PTDSS1: variants seen among roughly 807,000 people sequenced by gnomAD.
The protein encoded by PTDSS1 is PSS-1.
In PTDSS1, 45 loss-of-function variants were observed where a neutral mutation model predicts 70.5. The observed-to-expected ratio is 0.64, with a 90% CI of 0.50 to 0.82. The LOEUF (loss-of-function observed/expected upper bound fraction) is 0.82, where lower values mean the gene tolerates loss of function less well. Ranked by LOEUF, PTDSS1 falls within the 40% of genes least tolerant of loss-of-function variation. PTDSS1 has a pLI of 0.00. For missense variants in PTDSS1, 417 were observed against 586.1 expected (o/e 0.71, Z 2.98); for synonymous variants, 188 against 203.8 (o/e 0.92, Z 0.66).
rs116451395 is a variant in PTDSS1, at chr8:96,320,309, C to G, written c.1137C>G (p.Thr379=). The change falls in exon 10 of 13, where the codon ACC becomes ACG. Residue 379 remains threonine, a synonymous_variant. Transcript: ENST00000517309. ...TTGGACAAGATCTCTTCTCTAAGACCCAAATACTCTATGTTGTGCTTTGGC... is the reference window on the plus strand; with the variant it reads ...TTGGACAAGATCTCTTCTCTAAGACGCAAATACTCTATGTTGTGCTTTGGC... The part of the protein sequence containing the change: ...IKFGQDLFSK[T]QILYVVLWLL... The G allele has an allele frequency of 2.6e-4, 416 of 1,613,122 alleles. 1 individual carries two copies. The African/African-American group carries it at 5.0e-3, about 19-fold the overall frequency.
At chr8:96,301,347 A>G (rs1258944885) in intron 6 of PTDSS1, among the ~76,000 whole-genome samples, 2 of 152,012 alleles carry the variant, frequency 1.3e-5, no homozygotes, top group Non-Finnish European at 2.9e-5. Flanking sequence ...CACCCGCCTC[A>G]GCATCTCAAA....
rs2130158812 is a variant in PTDSS1 at position 96,320,354 on chromosome 8, C to T, written c.1173+9C>T. The T allele has an allele frequency of 1.3e-6, 2 of 1,581,780 alleles. No individual in the cohort carries two copies. The highest frequency in any genetic ancestry group is 1.7e-6 in the Non-Finnish European group (2 of 1,150,804). On this transcript the variant is annotated intron_variant, in intron 10 of 12. Coordinates refer to ENST00000517309, the MANE Select transcript of PTDSS1 (RefSeq NM_014754.3). ...TTTGGCTTCTTTGCGTGGTAAGTCA[C>T]TGCATTTTACCCAAAGGCATTAGCT...
chr8:96,303,473 A>T (rs1167198306), intron 6 of PTDSS1, among the ~76,000 whole-genome samples: 3 of 152,178 alleles, frequency 2.0e-5, no homozygotes, highest in African/African-American at 7.2e-5. Context: ...GTTATTAAAT[A>T]GTATTTATTA....
At chr8:96,292,943 C>T (rs571023404) in intron 4 of PTDSS1, among the ~76,000 whole-genome samples, 2 of 152,310 alleles carry the variant, frequency 1.3e-5, no homozygotes, top group South Asian at 4.1e-4. Context: ...GGATCTCTTT[C>T]TTCTTCCAAA....
At chr8:96,313,822 A>G (rs1811246422) in intron 9 of PTDSS1, among the ~76,000 whole-genome samples, 1 of 152,204 alleles carries the variant, frequency 6.6e-6, no homozygotes, top group South Asian at 2.1e-4. Flanking sequence ...CAAACCAGCC[A>G]GTCCTTTCCT....
rs769749002 is a variant in PTDSS1 at position 96,333,446 on chromosome 8, C to A, written c.1313-11C>A. 16 of 1,603,848 alleles carry A rather than the reference C, an allele frequency of 1.0e-5. 1 individual carries two copies. The South Asian group carries it at 1.5e-4, about 15-fold the overall frequency. On this transcript the variant is annotated splice_polypyrimidine_tract_variant and intron_variant, in intron 12 of 12. Transcript: ENST00000517309. ...CCCAGGGTGACGGTGTGCTCTGATTCCTTTGGCCAGGTTCTGAAGACAGCC... is the reference window on the plus strand; with the variant it reads ...CCCAGGGTGACGGTGTGCTCTGATTACTTTGGCCAGGTTCTGAAGACAGCC...
chr8:96,316,190 A>T (rs1811286284), intron 9 of PTDSS1, among the ~76,000 whole-genome samples: 1 of 152,094 alleles, frequency 6.6e-6, no homozygotes, highest in Non-Finnish European at 1.5e-5. Flanking sequence ...CCGGGTCCCC[A>T]TGTCTGGATG....
chr8:96,301,747 C>A (rs1811053877), intron 6 of PTDSS1, among the ~76,000 whole-genome samples: 1 of 151,732 alleles, frequency 6.6e-6, no homozygotes, highest in Admixed American at 6.6e-5. Context: ...AACTTCTGAC[C>A]TCAGGTGATC....
At chr8:96,331,185 C>T in intron 12 of PTDSS1, 90 bp downstream of exon 12, 1 of 1,252,674 alleles carries the variant, frequency 8.0e-7, no homozygotes, top group Non-Finnish European at 1.2e-6. Flanking sequence ...TGATATAAGC[C>T]TTGAAGGGTC....
intron 6 of PTDSS1, among the ~76,000 whole-genome samples, chr8:96,301,085 C>T (rs1306164101): frequency 6.6e-6 from 1 of 152,190 alleles, no homozygotes; most frequent in Non-Finnish European, 1.5e-5. Context: ...CTAATTAACA[C>T]TTTGCCATAA....
Position 96,262,690 on chromosome 8 carries a change from A to G in PTDSS1, c.179+471A>G, listed in dbSNP as rs557208235. 6.8e-4 allele frequency among the ~76,000 whole-genome samples: 103 copies of G among 152,074 alleles called. No homozygotes were observed. Among genetic ancestry groups the G allele is most frequent in the Non-Finnish European group, 1.4e-3 (94 of 67,956 alleles). ...GCACCATACACAGGCCCAGGACACAACCTAGATCCCTTCCTGTGGAACTCC... is the reference window on the plus strand; with the variant it reads ...GCACCATACACAGGCCCAGGACACAGCCTAGATCCCTTCCTGTGGAACTCC... On this transcript the variant is annotated intron_variant, in intron 1 of 12. Transcript: ENST00000517309. The surrounding 1 kb of genome is among the most constrained non-coding windows in gnomAD (Gnocchi z 4.4).
At chr8:96,322,151 C>T (rs1811380919) in intron 10 of PTDSS1, among the ~76,000 whole-genome samples, 1 of 152,122 alleles carries the variant, frequency 6.6e-6, no homozygotes, top group Non-Finnish European at 1.5e-5. Flanking sequence ...AATCACAGGC[C>T]TCCCAGCTGC....
Position 96,333,324 on chromosome 8 carries a change from G to A in PTDSS1, c.1313-133G>A, listed in dbSNP as rs372724103. ...GTTTGAGAGCCTCGCCTTCATTTAT[G>A]AATGAGGCCACTAGGGGGAGTGCAC... On this transcript the variant is annotated intron_variant, in intron 12 of 12. Coordinates refer to ENST00000517309, the MANE Select transcript of PTDSS1 (RefSeq NM_014754.3). The A allele has an allele frequency of 1.3e-5, 10 of 756,426 alleles. No homozygotes were observed. In the East Asian group the frequency reaches 2.0e-4, roughly 15 times the overall value. The allele number at this position is 756,426 out of a possible 1,614,324, so 46.9% of individuals were successfully genotyped here. A position where few individuals can be genotyped will look rare whatever the true frequency, so the allele number is the denominator to read the frequency against.
chr8:96,314,798 A>G (rs1056695177), intron 9 of PTDSS1, among the ~76,000 whole-genome samples: 1 of 152,022 alleles, frequency 6.6e-6, no homozygotes, highest in Non-Finnish European at 1.5e-5. Flanking sequence ...GGGTTTCACC[A>G]TGTTAGCCAG....
At chr8:96,311,714 A>G (rs923227189) in intron 9 of PTDSS1, among the ~76,000 whole-genome samples, 2 of 152,206 alleles carry the variant, frequency 1.3e-5, no homozygotes, top group Non-Finnish European at 2.9e-5. Context: ...TTTCTTACCC[A>G]AAGTGGTTTG....
rs114028502 is a variant in PTDSS1, at chr8:96,316,294, C to T, written c.1074-3952C>T. Among the ~76,000 whole-genome samples, 419 of 152,234 alleles carry T rather than the reference C, an allele frequency of 2.8e-3. 5 individuals are homozygous for T. Among genetic ancestry groups the T allele is most frequent in the African/African-American group, 9.6e-3 (399 of 41,524 alleles). On this transcript the variant is annotated intron_variant, in intron 9 of 12. Coordinates refer to ENST00000517309, the MANE Select transcript of PTDSS1 (RefSeq NM_014754.3). ...CGAATGTTCATCACCATGCTGTTCA[C>T]AATAGCAAAGACATGGAATCCACCT... is the stretch of plus-strand genomic sequence containing the variant.
At chr8:96,324,740 C>T (rs987984916) in intron 10 of PTDSS1, among the ~76,000 whole-genome samples, 8 of 152,186 alleles carry the variant, frequency 5.3e-5, no homozygotes, top group African/African-American at 1.9e-4. Flanking sequence ...AGTTAAGTTT[C>T]GAGGAGAGTT....
At position 96,333,570 on chromosome 8, in the gene PTDSS1, AC is replaced by A. The variant is rs1811550208; in HGVS notation, c.*7del. The A allele has an allele frequency of 6.3e-7, 1 of 1,597,068 alleles. No individual in the cohort carries two copies. The highest frequency in any genetic ancestry group is 8.6e-7 in the Non-Finnish European group (1 of 1,164,678). On this transcript the variant is annotated 3_prime_UTR_variant, in exon 13 of 13. Coordinates refer to ENST00000517309, the MANE Select transcript of PTDSS1 (RefSeq NM_014754.3). ...CAATGGCGTTGGAAAGAAATGAAAA[AC>A]CCTGGTTAATCAAAGATGTTCCAGA...
chr8:96,336,393 C>T lies in PTDSS1; in HGVS notation c.*2827C>T, dbSNP rs1373683637. 2.6e-5 allele frequency: 4 copies of T among 151,980 alleles called. No individual in the cohort carries two copies. The highest frequency in any genetic ancestry group is 9.7e-5 in the African/African-American group (4 of 41,254). The allele number at this position is 151,980 out of a possible 1,614,324, so 9.4% of individuals were successfully genotyped here. On this transcript the variant is annotated 3_prime_UTR_variant, in exon 13 of 13. Coordinates refer to ENST00000517309, the MANE Select transcript of PTDSS1 (RefSeq NM_014754.3). ...GGTTTTGGGTAGAATCCTGCACTTACAGAGGCCCTTGGGGTCATTGAGAAG... is the reference window on the plus strand; with the variant it reads ...GGTTTTGGGTAGAATCCTGCACTTATAGAGGCCCTTGGGGTCATTGAGAAG...
Sources: allele counts gnomAD v4.1 joint callset (sites outside exome capture counted in the v4.1 genomes callset), GRCh38; gene constraint gnomAD v4.1.1; non-coding constraint Gnocchi (gnomAD v3.1); transcripts MANE v1.5; gene names NCBI Gene and HGNC (gene_info 2026-07-23, HGNC 2026-07-21).